SOBP: variants seen among roughly 807,000 people sequenced by gnomAD.
SOBP encodes sine oculis-binding protein homolog.
SOBP carries 4 observed loss-of-function variants against 53.6 expected under a neutral mutation model. The ratio of observed to expected loss-of-function variants is 0.07; its 90% CI spans 0.04 to 0.17. The LOEUF is 0.17. SOBP is among the 10% of genes least tolerant of loss of function. SOBP has a pLI of 1.00. For synonymous variants in SOBP, 584 were observed against 522.6 expected (o/e 1.12, Z -1.60); for missense variants, 1,088 against 1,204.7 (o/e 0.90, Z 1.43).
chr6:107,643,468 G>T (rs2115166912), intron 6 of SOBP, among the ~76,000 whole-genome samples: 1 of 152,190 alleles, frequency 6.6e-6, no homozygotes. Flanking sequence ...CCCGGCTGGA[G>T]TGCAGTGACG....
chr6:107,518,379 T>A (rs368624266), intron 3 of SOBP, among the ~76,000 whole-genome samples: 1 of 152,172 alleles, frequency 6.6e-6, no homozygotes, highest in Non-Finnish European at 1.5e-5. Context: ...GGGACTCTCA[T>A]GCATAGCTGG....
At chr6:107,585,659 C>T (rs762588438) in intron 4 of SOBP, among the ~76,000 whole-genome samples, 1 of 152,158 alleles carries the variant, frequency 6.6e-6, no homozygotes, top group Non-Finnish European at 1.5e-5. Context: ...CAAAAGTGAA[C>T]CAAAAGAGAG....
intron 5 of SOBP, among the ~76,000 whole-genome samples, chr6:107,630,223 C>T (rs1396919392): frequency 6.6e-6 from 1 of 152,130 alleles, no homozygotes; most frequent in African/African-American, 2.4e-5. Flanking sequence ...AATTTTGGTA[C>T]TTCTTGGCAT....
At chr6:107,522,539 T>TTC (rs200512284) in intron 3 of SOBP, among the ~76,000 whole-genome samples, 12 of 140,280 alleles carry the variant, frequency 8.6e-5, no homozygotes, top group Admixed American at 7.8e-4. Context: ...TATAAAAACT[T>TTC]TTTTTTTTTT....
intron 5 of SOBP, among the ~76,000 whole-genome samples, chr6:107,593,007 A>G (rs1020423452): frequency 5.9e-5 from 9 of 152,156 alleles, no homozygotes; most frequent in Admixed American, 2.0e-4. Context: ...CTTGAGTCAT[A>G]TTTCATCTGC....
At chr6:107,561,453 G>A (rs924359464) in intron 4 of SOBP, among the ~76,000 whole-genome samples, 1 of 152,138 alleles carries the variant, frequency 6.6e-6, no homozygotes, top group Non-Finnish European at 1.5e-5. Context: ...TGCTTGCATA[G>A]ATGGTTCCAA....
chr6:107,561,511 C>T (rs1766525270), intron 4 of SOBP, among the ~76,000 whole-genome samples: 1 of 152,158 alleles, frequency 6.6e-6, no homozygotes, highest in African/African-American at 2.4e-5. Flanking sequence ...GTTGAGGCAA[C>T]AAGTCTGTCT....
rs190256945 is a variant in SOBP, at chr6:107,632,227, T to C, written c.670-1287T>C. On this transcript the variant is annotated intron_variant, in intron 5 of 6. Coordinates refer to ENST00000317357, the MANE Select transcript of SOBP (RefSeq NM_018013.4). ...TAGAACAATATTGGAACCAGTGCTT[T>C]ATTGGGGGAGAGACTCAAATTCAAT... Among the ~76,000 whole-genome samples, 431 of 152,230 alleles carry C rather than the reference T, an allele frequency of 2.8e-3. 3 individuals are homozygous for C. Among genetic ancestry groups the C allele is most frequent in the African/African-American group, 0.01 (419 of 41,530 alleles).
At chr6:107,642,510 T>C (rs1771373351) in intron 6 of SOBP, among the ~76,000 whole-genome samples, 1 of 152,180 alleles carries the variant, frequency 6.6e-6, no homozygotes, top group South Asian at 2.1e-4. Context: ...TTAATGATCA[T>C]AAGCAAAAAA....
intron 5 of SOBP, among the ~76,000 whole-genome samples, chr6:107,587,828 AT>A (rs1299120949): frequency 1.3e-5 from 2 of 152,282 alleles, no homozygotes; most frequent in Middle Eastern, 3.4e-3. Flanking sequence ...AGGAATGCCT[AT>A]TATATTTCTA....
intron 3 of SOBP, among the ~76,000 whole-genome samples, chr6:107,525,506 G>T (rs540891627): frequency 6.6e-6 from 1 of 152,162 alleles, no homozygotes; most frequent in African/African-American, 2.4e-5. Context: ...ACTTCATTTT[G>T]TTTGAATTTG....
rs1048785334 is a variant in SOBP, at chr6:107,661,005, G to A, written c.*2802G>A. On this transcript the variant is annotated 3_prime_UTR_variant, in exon 7 of 7. Transcript: ENST00000317357. ...TGCCGAGGCAAGCCCAGCCAAGGAC[G>A]TGCCAGCGGCCGAGGCACCCGGCTG... is the stretch of plus-strand genomic sequence containing the variant. Among the ~76,000 whole-genome samples, 1 of 152,202 alleles carries A rather than the reference G, an allele frequency of 6.6e-6. No homozygotes were observed. The highest frequency in any genetic ancestry group is 2.4e-5 in the African/African-American group (1 of 41,452).
chr6:107,656,287 AAAAG>A lies in SOBP; in HGVS notation c.*4-1866_*4-1863del, dbSNP rs1184787226. ...TGTCACTTATTCTTGAGAAAGAAAGAAAAGAAAGAAAGAAAGAAAGAAAGAAAGA... is the reference window on the plus strand; with the variant it reads ...TGTCACTTATTCTTGAGAAAGAAAGAAAAGAAAGAAAGAAAGAAAGAAAGA... On this transcript the variant is annotated intron_variant, in intron 6 of 6. Transcript: ENST00000317357. Among the ~76,000 whole-genome samples, 638 of 124,340 alleles carry A rather than the reference AAAAG, an allele frequency of 5.1e-3. 7 individuals carry two copies. Among genetic ancestry groups the A allele is most frequent in the Middle Eastern group, 0.015 (4 of 272 alleles). The allele number at this position is 124,340 out of a possible 152,430, so 81.6% of individuals were successfully genotyped here.
rs564760353 is a variant in SOBP at position 107,563,948 on chromosome 6, C to T, written c.574-23132C>T. Reference sequence around the variant, plus strand: ...GTAGGGTTGCGGAGCCTCTCTGGAACACTTCCAAAGGCAGGAACTAGTATC... The same window carrying T: ...GTAGGGTTGCGGAGCCTCTCTGGAATACTTCCAAAGGCAGGAACTAGTATC... On this transcript the variant is annotated intron_variant, in intron 4 of 6. Transcript: ENST00000317357. 1.2e-4 allele frequency among the ~76,000 whole-genome samples: 19 copies of T among 152,308 alleles called. 1 individual carries two copies. In the South Asian group the frequency reaches 2.9e-3, roughly 23 times the overall value.
At chr6:107,550,093 T>C (rs1248684413) in intron 4 of SOBP, among the ~76,000 whole-genome samples, 3 of 151,822 alleles carry the variant, frequency 2.0e-5, no homozygotes, top group African/African-American at 7.3e-5. Context: ...GCTGAAATAA[T>C]CCTTTCTGTC....
intron 4 of SOBP, among the ~76,000 whole-genome samples, chr6:107,536,933 C>T (rs1046402898): frequency 6.6e-6 from 1 of 152,164 alleles, no homozygotes; most frequent in Non-Finnish European, 1.5e-5. Context: ...AAGAAAAATA[C>T]TTATGTAGTC....
At chr6:107,656,342 A>G (rs1371524879) in intron 6 of SOBP, among the ~76,000 whole-genome samples, 4 of 3,418 alleles carry the variant, frequency 1.2e-3, no homozygotes, top group Non-Finnish European at 3.1e-3. Flanking sequence ...AAAGAAAGAA[A>G]GAGAAAGAAA....
chr6:107,613,931 C>T (rs1483600365), intron 5 of SOBP, among the ~76,000 whole-genome samples: 1 of 152,162 alleles, frequency 6.6e-6, no homozygotes. Flanking sequence ...GAAGGGGAGG[C>T]CTTTTCAACA....
intron 5 of SOBP, among the ~76,000 whole-genome samples, chr6:107,610,693 A>AC (rs1257515854): frequency 6.6e-6 from 1 of 152,176 alleles, no homozygotes; most frequent in Non-Finnish European, 1.5e-5. Context: ...CTGGTTCTGA[A>AC]CATAACCTAA....
Sources: allele counts gnomAD v4.1 joint callset (sites outside exome capture counted in the v4.1 genomes callset), GRCh38; gene constraint gnomAD v4.1.1; transcripts MANE v1.5; gene names NCBI Gene and HGNC (gene_info 2026-07-23, HGNC 2026-07-21).